The following PRKCA variants were observed in gnomAD, a reference collection of about 807,000 sequenced individuals.
PRKCA encodes the protein protein kinase C alpha type.
In PRKCA, 27 loss-of-function variants were observed where a neutral mutation model predicts 87.0. That is an observed-to-expected ratio of 0.31 (90% CI 0.23 to 0.43). The LOEUF (loss-of-function observed/expected upper bound fraction) is 0.43, where lower values mean the gene tolerates loss of function less well. Ranked by LOEUF, PRKCA falls within the 20% of genes least tolerant of loss-of-function variation. PRKCA has a pLI of 1.00. For synonymous variants in PRKCA, 329 were observed against 311.1 expected, an observed-to-expected ratio of 1.06 and a Z score of -0.61; for missense variants, 518 against 852.3, an observed-to-expected ratio of 0.61 and a Z score of 4.88.
intron 16 of PRKCA, among the ~76,000 whole-genome samples, chr17:66,793,488 G>A (rs535994486): frequency 3.8e-4 from 58 of 151,440 alleles, no homozygotes; most frequent in African/African-American, 1.3e-3. Flanking sequence ...TACTTGGGAG[G>A]CTGAGACAGG....
At chr17:66,794,514 G>A (rs1975616779) in intron 16 of PRKCA, among the ~76,000 whole-genome samples, 1 of 151,532 alleles carries the variant, frequency 6.6e-6, no homozygotes, top group African/African-American at 2.4e-5. Context: ...GGAAGGGCCA[G>A]GAAAGTAATT....
chr17:66,774,183 C>T (rs1974998561), intron 14 of PRKCA, 116 bp downstream of exon 14: 7 of 1,571,920 alleles, frequency 4.5e-6, no homozygotes, highest in Non-Finnish European at 6.0e-6. Context: ...GTTGGCGTGA[C>T]TTCCCTGACC....
intron 2 of PRKCA, among the ~76,000 whole-genome samples, chr17:66,317,911 C>A (rs1905408487): frequency 2.6e-5 from 4 of 152,128 alleles, no homozygotes; most frequent in Admixed American, 2.6e-4. Flanking sequence ...AATATTTTAA[C>A]TTGATTCTTA....
chr17:66,348,164 A>C (rs1184031710), intron 2 of PRKCA, among the ~76,000 whole-genome samples: 2 of 151,192 alleles, frequency 1.3e-5, no homozygotes, highest in Non-Finnish European at 3.0e-5. Flanking sequence ...CTGGTCTCCA[A>C]CTCCTGGCCT....
chr17:66,474,706 T>C (rs1915467330), intron 2 of PRKCA, among the ~76,000 whole-genome samples: 1 of 152,214 alleles, frequency 6.6e-6, no homozygotes, highest in Non-Finnish European at 1.5e-5. Context: ...GCCCATTTCC[T>C]CAACTTAAAG....
At chr17:66,575,866 A>G (rs1245972966) in intron 3 of PRKCA, among the ~76,000 whole-genome samples, 2 of 152,192 alleles carry the variant, frequency 1.3e-5, no homozygotes, top group Non-Finnish European at 2.9e-5. Flanking sequence ...CTGTAATCCC[A>G]GCACTTTGGG....
rs149898137 is a variant in PRKCA at position 66,680,461 on chromosome 17, G to C, written c.530-6650G>C. On this transcript the variant is annotated intron_variant, in intron 5 of 16. Transcript: ENST00000413366. ...GCCAGGAGCAGGGGTGCTCTTAGAGGGGGGGAGAAAAAGTAATAAAAACAG... is the reference window on the plus strand; with the variant it reads ...GCCAGGAGCAGGGGTGCTCTTAGAGCGGGGGAGAAAAAGTAATAAAAACAG... Among the ~76,000 whole-genome samples the C allele has an allele frequency of 3.4e-3, 511 of 152,212 alleles. 1 individual carries two copies. Among genetic ancestry groups the C allele is most frequent in the Non-Finnish European group, 5.9e-3 (399 of 68,016 alleles).
At chr17:66,368,360 A>ATATGTG (rs1908866599) in intron 2 of PRKCA, among the ~76,000 whole-genome samples, 7 of 56,850 alleles carry the variant, frequency 1.2e-4, no homozygotes, top group African/African-American at 4.3e-4. Flanking sequence ...GTGTGTGTGT[A>ATATGTG]TATGTATATA....
At position 66,422,189 on chromosome 17, in the gene PRKCA, A is replaced by G. The variant is rs562741323; in HGVS notation, c.206-74012A>G. 2.6e-5 allele frequency among the ~76,000 whole-genome samples: 4 copies of G among 152,244 alleles called. No individual in the cohort carries two copies. In the South Asian group the frequency reaches 8.3e-4, roughly 32 times the overall value. ...CCTTTCTAAAAGGTCCTATTTCCAA[A>G]TAAGGTCACATTCTGAGATACTGGG... is the stretch of plus-strand genomic sequence containing the variant. On this transcript the variant is annotated intron_variant, in intron 2 of 16. Coordinates refer to ENST00000413366, the MANE Select transcript of PRKCA (RefSeq NM_002737.3).
At chr17:66,536,681 A>G (rs1378863464) in intron 3 of PRKCA, among the ~76,000 whole-genome samples, 1 of 152,168 alleles carries the variant, frequency 6.6e-6, no homozygotes, top group Non-Finnish European at 1.5e-5. Flanking sequence ...GATGGTGGTT[A>G]TCACTTTTAT....
intron 2 of PRKCA, among the ~76,000 whole-genome samples, chr17:66,378,300 C>T (rs1198630467): frequency 2.6e-5 from 4 of 152,084 alleles, no homozygotes; most frequent in Admixed American, 1.3e-4. Context: ...GGCGACAGAG[C>T]GAGACTCTGT....
intron 14 of PRKCA, among the ~76,000 whole-genome samples, chr17:66,785,538 G>C (rs541315443): frequency 1.3e-4 from 20 of 152,150 alleles, no homozygotes; most frequent in Non-Finnish European, 2.5e-4. Flanking sequence ...CGCAGCCAAA[G>C]GGGGAGCATT....
At chr17:66,350,975 A>G (rs1907707658) in intron 2 of PRKCA, among the ~76,000 whole-genome samples, 1 of 152,206 alleles carries the variant, frequency 6.6e-6, no homozygotes, top group Non-Finnish European at 1.5e-5. Context: ...GCGATCTGCC[A>G]CACTTCTCGT....
chr17:66,401,771 C>T (rs561031658), intron 2 of PRKCA, among the ~76,000 whole-genome samples: 1 of 152,108 alleles, frequency 6.6e-6, no homozygotes, highest in Non-Finnish European at 1.5e-5. Flanking sequence ...TGAAGATAAC[C>T]CACAGATTTC....
intron 2 of PRKCA, among the ~76,000 whole-genome samples, chr17:66,493,297 T>TTGTG (rs61513917): frequency 0.16 from 22,304 of 142,896 alleles, 1,686 homozygotes; most frequent in Middle Eastern, 0.24. Context: ...GTAGGTATAT[T>TTGTG]TGTGTGTGTG....
chr17:66,803,765 GC>G lies in PRKCA; in HGVS notation c.1855-105del. ...CCTCCGAGATTCCTCCTCCTAACCA[GC>G]CCGGAGTTCCCCAGGGCCGTGCCCC... is the stretch of plus-strand genomic sequence containing the variant. On this transcript the variant is annotated intron_variant, in intron 16 of 16. Transcript: ENST00000413366. The surrounding 1 kb of genome is among the most constrained non-coding windows in gnomAD (Gnocchi z 4.4). The G allele has an allele frequency of 6.8e-7, 1 of 1,466,190 alleles. No homozygotes were observed. Among genetic ancestry groups the G allele is most frequent in the East Asian group, 2.3e-5 (1 of 42,566 alleles). The allele number at this position is 1,466,190 out of a possible 1,614,324, so 90.8% of individuals were successfully genotyped here.
At chr17:66,500,928 T>TC (rs562925683) in intron 3 of PRKCA, among the ~76,000 whole-genome samples, 35 of 152,116 alleles carry the variant, frequency 2.3e-4, no homozygotes, top group African/African-American at 8.4e-4. Context: ...TAAGCATTTT[T>TC]CCCCTGAAAA....
At chr17:66,768,653 G>C (rs1351859709) in intron 13 of PRKCA, among the ~76,000 whole-genome samples, 3 of 152,214 alleles carry the variant, frequency 2.0e-5, no homozygotes, top group Non-Finnish European at 4.4e-5. Context: ...AGGGGAGAGA[G>C]AGAGAGACAA....
chr17:66,472,651 C>A (rs16959377), intron 2 of PRKCA, among the ~76,000 whole-genome samples: 1 of 152,108 alleles, frequency 6.6e-6, no homozygotes. Context: ...ATTAACAAGA[C>A]GTAACATCCC....
Sources: allele counts gnomAD v4.1 joint callset (sites outside exome capture counted in the v4.1 genomes callset), GRCh38; gene constraint gnomAD v4.1.1; non-coding constraint Gnocchi (gnomAD v3.1); transcripts MANE v1.5; gene names NCBI Gene and HGNC (gene_info 2026-07-23, HGNC 2026-07-21).